The following UIMC1 variants were observed in gnomAD, a reference collection of about 807,000 sequenced individuals.
The protein encoded by UIMC1 is ubiquitin interaction motif containing 1.
A neutral mutation model predicts 84.9 loss-of-function variants in UIMC1; 42 were observed. That is an observed-to-expected ratio of 0.49 (90% CI 0.39 to 0.64). UIMC1 has a LOEUF of 0.64. UIMC1 is among the 30% of genes least tolerant of loss of function. The pLI is 0.00. For missense variants in UIMC1, 825 were observed against 847.6 expected (o/e 0.97, Z 0.33); for synonymous variants, 281 against 293.0 (o/e 0.96, Z 0.42).
At chr5:176,951,714 G>A (rs1195698194) in intron 8 of UIMC1, 137 bp from the exon 9 acceptor site, 4 of 563,180 alleles carry the variant, frequency 7.1e-6, no homozygotes, top group Admixed American at 3.7e-5. Flanking sequence ...GATCTAGTTT[G>A]TTTCTTCTTA....
intron 3 of UIMC1, among the ~76,000 whole-genome samples, chr5:176,974,781 C>T (rs1454213752): frequency 1.3e-5 from 2 of 151,678 alleles, no homozygotes; most frequent in Non-Finnish European, 2.9e-5. Flanking sequence ...CCAGCACACT[C>T]AGCCCGGGTG....
At chr5:176,982,415 A>G (rs1771193132) in intron 2 of UIMC1, 54 bp downstream of exon 2, 2 of 1,571,284 alleles carry the variant, frequency 1.3e-6, no homozygotes, top group East Asian at 2.3e-5. Context: ...CCCCATGGGT[A>G]AAGAAGCATA....
At chr5:176,999,093 G>A (rs763816571) in intron 1 of UIMC1, among the ~76,000 whole-genome samples, 4 of 152,120 alleles carry the variant, frequency 2.6e-5, no homozygotes, top group Admixed American at 6.6e-5. Context: ...TCAGGAGACT[G>A]AGGTGGGAGA....
chr5:176,950,068 T>A (rs10068703), intron 9 of UIMC1, among the ~76,000 whole-genome samples: 83,793 of 144,432 alleles, frequency 0.58, 25,612 homozygotes, highest in African/African-American at 0.81. Context: ...GGAGAAAAAA[T>A]ACAAAATTCC....
chr5:176,934,735 C>T (rs970181302), intron 10 of UIMC1, among the ~76,000 whole-genome samples: 2 of 152,222 alleles, frequency 1.3e-5, no homozygotes, highest in African/African-American at 2.4e-5. Flanking sequence ...ACAGTGACTA[C>T]ACCGTAAGTG....
Position 176,975,399 on chromosome 5 carries a change from C to T in UIMC1, c.229G>A (p.Ala77Thr). The T allele has an allele frequency of 5.6e-6, 9 of 1,613,634 alleles. No homozygotes were observed. Among genetic ancestry groups the T allele is most frequent in the Non-Finnish European group, 7.6e-6 (9 of 1,179,796 alleles). Residue 77 changes from alanine to threonine, a missense_variant, in exon 3 of 15, where the codon GCA becomes ACA. Physicochemically the swap from Ala to Thr is moderately conservative, Grantham distance 58. Transcript: ENST00000511320. ...TATCAACAAAATGAAAACATACGTG[C>T]GATTTTTCTTTTGGCCAAACACTTT... ...RAKCLAKRKI[A>T]QMTEEEQFAL...
intron 9 of UIMC1, among the ~76,000 whole-genome samples, chr5:176,944,827 C>T (rs1047560940): frequency 6.6e-6 from 1 of 152,194 alleles, no homozygotes; most frequent in Non-Finnish European, 1.5e-5. Context: ...AAAAGACATA[C>T]TCTAAAGGCG....
rs145521064 is a variant in UIMC1, at chr5:176,968,981, T to C, written c.774A>G (p.Leu258=). 75 of 1,614,174 alleles carry C rather than the reference T, an allele frequency of 4.6e-5. 1 individual carries two copies. Among genetic ancestry groups the C allele is most frequent in the African/African-American group, 3.3e-4 (25 of 75,050 alleles). Residue 258 remains leucine (L), a synonymous_variant, in exon 6 of 15, where the codon CTA becomes CTG. Coordinates refer to ENST00000511320, the MANE Select transcript of UIMC1 (RefSeq NM_001199298.2). ...QGSGDTSRHC[L]PTLADAKGLQ... ...GACCTTTGGCATCTGCTAGGGTAGG[T>C]AGACAGTGCCTAGATGTGTCCCCGC... is the stretch of plus-strand genomic sequence containing the variant.
intron 8 of UIMC1, among the ~76,000 whole-genome samples, chr5:176,952,395 A>G (rs1435114512): frequency 1.3e-5 from 2 of 152,206 alleles, no homozygotes; most frequent in East Asian, 3.8e-4. Context: ...GCTATCAGTA[A>G]TATGAAAATC....
chr5:176,951,376 G>T, intron 9 of UIMC1, 98 bp downstream of exon 9: 1 of 880,270 alleles, frequency 1.1e-6, no homozygotes, highest in Non-Finnish European at 1.6e-6. Flanking sequence ...AAAACCCCCT[G>T]CCACCTAAAT....
chr5:176,905,605 C>T, intron 14 of UIMC1, 113 bp from the exon 15 acceptor site: 1 of 974,924 alleles, frequency 1.0e-6, no homozygotes, highest in Non-Finnish European at 1.5e-6. Flanking sequence ...TACAAATAAT[C>T]TTTGTAATAA....
chr5:176,990,153 C>T (rs1772602586), intron 1 of UIMC1, among the ~76,000 whole-genome samples: 1 of 151,598 alleles, frequency 6.6e-6, no homozygotes, highest in Admixed American at 6.6e-5. Context: ...TGCACTCCAG[C>T]CTGGGCAACA....
At chr5:176,995,008 C>G (rs550925216) in intron 1 of UIMC1, among the ~76,000 whole-genome samples, 4 of 152,232 alleles carry the variant, frequency 2.6e-5, no homozygotes, top group African/African-American at 9.6e-5. Context: ...TTCCTTTGGG[C>G]TCTGGCTTTT....
intron 13 of UIMC1, among the ~76,000 whole-genome samples, chr5:176,906,652 G>A (rs546290615): frequency 7.2e-5 from 11 of 152,348 alleles, no homozygotes; most frequent in Admixed American, 2.6e-4. Flanking sequence ...CTAACTCCCT[G>A]CAATGGTCTT....
intron 14 of UIMC1, 148 bp downstream of exon 14, chr5:176,905,863 C>G (rs1417141586): frequency 2.5e-6 from 2 of 796,388 alleles, no homozygotes; most frequent in Non-Finnish European, 4.1e-6. Flanking sequence ...ATGGGGAGCA[C>G]AGAGTCATAC....
At chr5:176,957,952 TA>T in intron 7 of UIMC1, 140 bp downstream of exon 7, 1 of 585,604 alleles carries the variant, frequency 1.7e-6, no homozygotes, top group Non-Finnish European at 2.8e-6. Flanking sequence ...GAGATACTAA[TA>T]AAATTTCTCC....
At chr5:176,908,753 C>A in intron 11 of UIMC1, 59 bp from the exon 12 acceptor site, 1 of 1,551,656 alleles carries the variant, frequency 6.4e-7, no homozygotes, top group East Asian at 2.3e-5. Flanking sequence ...TGCCTCTGGG[C>A]CCCTGGATAT....
intron 8 of UIMC1, among the ~76,000 whole-genome samples, chr5:176,955,491 G>T (rs1296492508): frequency 1.3e-5 from 2 of 152,112 alleles, no homozygotes; most frequent in African/African-American, 4.8e-5. Context: ...TAGCACTTTG[G>T]GAGGCCAAGG....
chr5:176,929,232 G>C (rs1377400182), intron 10 of UIMC1, among the ~76,000 whole-genome samples: 2 of 151,286 alleles, frequency 1.3e-5, no homozygotes, highest in Non-Finnish European at 2.9e-5. Flanking sequence ...TCCAGCCTGG[G>C]TGACAGAGCA....
Sources: allele counts gnomAD v4.1 joint callset (sites outside exome capture counted in the v4.1 genomes callset), GRCh38; gene constraint gnomAD v4.1.1; transcripts MANE v1.5; gene names NCBI Gene and HGNC (gene_info 2026-07-23, HGNC 2026-07-21).